Variants in CYFIP1 observed in about 807,000 individuals in gnomAD.
The protein encoded by CYFIP1 is cytoplasmic FMR1 interacting protein 1.
A neutral mutation model predicts 163.5 loss-of-function variants in CYFIP1; 58 were observed. The ratio of observed to expected loss-of-function variants is 0.35; its 90% CI spans 0.29 to 0.44. CYFIP1 has a LOEUF of 0.44. Ranked by LOEUF, CYFIP1 falls within the 20% of genes least tolerant of loss-of-function variation. The pLI is 1.00. For missense variants in CYFIP1, 1,338 were observed against 1,653.8 expected (o/e 0.81, Z 3.31); for synonymous variants, 663 against 660.7 (o/e 1.00, Z -0.05).
Position 22,931,011 on chromosome 15 carries a change from G to T in CYFIP1, c.1110+1212C>A, listed in dbSNP as rs115368455. 4.4e-3 allele frequency among the ~76,000 whole-genome samples: 665 copies of T among 152,198 alleles called. 8 individuals carry two copies. Among genetic ancestry groups the T allele is most frequent in the African/African-American group, 0.015 (619 of 41,508 alleles). On this transcript the variant is annotated intron_variant, in intron 11 of 30. Coordinates refer to ENST00000617928, the MANE Select transcript of CYFIP1 (RefSeq NM_014608.6). ...TGACATGCCCAAACGCTTGCCAGGGGTCTGTGTTAGAAGCAGCAGGTGCCC... is the reference window on the plus strand; with the variant it reads ...TGACATGCCCAAACGCTTGCCAGGGTTCTGTGTTAGAAGCAGCAGGTGCCC...
At chr15:22,930,220 A>AAC (rs1566988173) in intron 11 of CYFIP1, among the ~76,000 whole-genome samples, 2 of 150,246 alleles carry the variant, frequency 1.3e-5, no homozygotes, top group Non-Finnish European at 3.0e-5. Context: ...ACAAAAAAAA[A>AAC]CACAAAAAAA....
At chr15:22,890,309 C>CA (rs916023349) in intron 23 of CYFIP1, among the ~76,000 whole-genome samples, 1,815 of 81,164 alleles carry the variant, frequency 0.022, 23 homozygotes, top group Non-Finnish European at 0.03. Context: ...GACTCCATCT[C>CA]AAAAAAAAAA....
intron 1 of CYFIP1, among the ~76,000 whole-genome samples, chr15:22,949,501 T>C (rs766890066): frequency 7.2e-5 from 11 of 152,078 alleles, no homozygotes; most frequent in Non-Finnish European, 1.3e-4. Context: ...GCAGAGGCAG[T>C]AGGCAGGCTA....
At chr15:22,876,315 C>T (rs2059583678) in intron 26 of CYFIP1, among the ~76,000 whole-genome samples, 1 of 152,016 alleles carries the variant, frequency 6.6e-6, no homozygotes, top group Non-Finnish European at 1.5e-5. Context: ...GGCCAGACAC[C>T]ATCTGCTCCG....
chr15:22,978,209 G>A (rs534212723), intron 1 of CYFIP1, among the ~76,000 whole-genome samples: 2 of 151,746 alleles, frequency 1.3e-5, no homozygotes, highest in African/African-American at 2.4e-5. Flanking sequence ...AAAATTAGCC[G>A]GGTGTGGTGG....
intron 22 of CYFIP1, among the ~76,000 whole-genome samples, chr15:22,901,122 G>C (rs923840326): frequency 6.6e-6 from 1 of 151,540 alleles, no homozygotes. Context: ...AGAATCGCTT[G>C]AACTCGGAAG....
Position 22,919,132 on chromosome 15 carries a change from T to C in CYFIP1, c.1360-274A>G, listed in dbSNP as rs563505679. Among the ~76,000 whole-genome samples, 30 of 152,244 alleles carry C rather than the reference T, an allele frequency of 2.0e-4. No homozygotes were observed. In the South Asian group the frequency reaches 6.0e-3, roughly 30 times the overall value. ...ATGCATCCACCCCAGCACACCCTCC[T>C]GTGATGGAATTCAAATAGGAAAGAA... On this transcript the variant is annotated intron_variant, in intron 13 of 30. Transcript: ENST00000617928.
chr15:22,899,910 T>C (rs1312273705), intron 22 of CYFIP1, among the ~76,000 whole-genome samples: 1 of 152,130 alleles, frequency 6.6e-6, no homozygotes, highest in Non-Finnish European at 1.5e-5. Flanking sequence ...TAGCCGGGCA[T>C]GGTGGCAGGC....
At chr15:22,924,186 G>C (rs1290625232) in intron 13 of CYFIP1, among the ~76,000 whole-genome samples, 1 of 152,130 alleles carries the variant, frequency 6.6e-6, no homozygotes, top group East Asian at 1.9e-4. Context: ...CACTTTGGAA[G>C]CCCAAGGCAG....
chr15:22,881,752 AT>A lies in CYFIP1; in HGVS notation c.2911+93del, dbSNP rs1296337483. On this transcript the variant is annotated intron_variant, in intron 25 of 30. Coordinates refer to ENST00000617928, the MANE Select transcript of CYFIP1 (RefSeq NM_014608.6). Reference sequence around the variant, plus strand: ...TTGTCTGTCTACTGCCTCTTCCCACATGGCAAATCTAATCCTTCTCAAGAAT... The same window carrying A: ...TTGTCTGTCTACTGCCTCTTCCCACAGGCAAATCTAATCCTTCTCAAGAAT... 3.3e-6 allele frequency: 4 copies of A among 1,218,746 alleles called. No individual in the cohort carries two copies. The African/African-American group carries it at 4.5e-5, about 14-fold the overall frequency. The allele number at this position is 1,218,746 out of a possible 1,614,324, so 75.5% of individuals were successfully genotyped here.
intron 26 of CYFIP1, 84 bp downstream of exon 26, chr15:22,879,829 C>G: frequency 2.8e-6 from 3 of 1,088,762 alleles, no homozygotes; most frequent in Non-Finnish European, 3.9e-6. Context: ...ACTAAAGAAC[C>G]CGCCAAAGAA....
intron 22 of CYFIP1, among the ~76,000 whole-genome samples, chr15:22,894,863 T>TATATA (rs1183432475): frequency 1.5e-5 from 2 of 134,592 alleles, no homozygotes; most frequent in African/African-American, 2.7e-5. Flanking sequence ...ATTATATATT[T>TATATA]TATATATATA....
chr15:22,867,422 G>C lies in CYFIP1; in HGVS notation c.*2606C>G, dbSNP rs180794934. ...AAGGGCAGAAATCACCCCAAGGAAC[G>C]ATTTCTCAGGTTGAGATGATCACCG... On this transcript the variant is annotated 3_prime_UTR_variant, in exon 31 of 31. Transcript: ENST00000617928. The C allele has an allele frequency of 2.7e-6, 1 of 370,812 alleles. No homozygotes were observed. Among genetic ancestry groups the C allele is most frequent in the African/African-American group, 2.1e-5 (1 of 48,014 alleles). The allele number at this position is 370,812 out of a possible 1,614,324, so 23.0% of individuals were successfully genotyped here.
chr15:22,969,846 G>C (rs375039834), intron 1 of CYFIP1, among the ~76,000 whole-genome samples: 2 of 152,130 alleles, frequency 1.3e-5, no homozygotes, highest in African/African-American at 4.8e-5. Context: ...CCAAAAGAGA[G>C]GGAAGTGGCA....
intron 5 of CYFIP1, 89 bp from the exon 6 acceptor site, chr15:22,943,443 C>A: frequency 7.2e-7 from 1 of 1,394,886 alleles, no homozygotes; most frequent in Non-Finnish European, 9.9e-7. Flanking sequence ...AGTCACTGCT[C>A]CTCGATGAGA....
intron 1 of CYFIP1, among the ~76,000 whole-genome samples, chr15:22,966,505 G>C (rs1220965909): frequency 2.0e-5 from 3 of 152,070 alleles, no homozygotes; most frequent in African/African-American, 4.8e-5. Flanking sequence ...TGCCCACACT[G>C]TGATCTTGGA....
intron 1 of CYFIP1, among the ~76,000 whole-genome samples, chr15:22,961,101 A>G (rs1404136552): frequency 2.0e-5 from 3 of 151,816 alleles, no homozygotes; most frequent in Admixed American, 2.0e-4. Context: ...GACTCACTGC[A>G]ACCTCCGCCT....
intron 13 of CYFIP1, 67 bp from the exon 14 acceptor site, chr15:22,918,925 C>A: frequency 7.6e-7 from 1 of 1,310,938 alleles, no homozygotes; most frequent in Non-Finnish European, 1.1e-6. Context: ...CTGCCTGGCA[C>A]ATGCCGGGGG....
At chr15:22,919,576 A>C (rs2061108408) in intron 13 of CYFIP1, among the ~76,000 whole-genome samples, 1 of 152,200 alleles carries the variant, frequency 6.6e-6, no homozygotes, top group Non-Finnish European at 1.5e-5. Flanking sequence ...AGAGCAAGAC[A>C]CACTTACCCC....
Sources: gnomAD v4.1 joint callset for allele counts (sites outside exome capture counted in the v4.1 genomes callset) on GRCh38, gnomAD v4.1.1 for gene constraint, MANE v1.5 for transcripts, NCBI Gene and HGNC (gene_info 2026-07-23, HGNC 2026-07-21) for gene names.